The following ITPR2 variants were observed in gnomAD, a reference collection of about 807,000 sequenced individuals.
ITPR2 encodes inositol 1,4,5-trisphosphate receptor type 2.
ITPR2 carries 207 observed loss-of-function variants against 317.1 expected under a neutral mutation model. That is an observed-to-expected ratio of 0.65 (90% CI 0.58 to 0.73). ITPR2 has a LOEUF of 0.73. Ranked by LOEUF, ITPR2 falls within the 30% of genes least tolerant of loss-of-function variation. The pLI, the probability that ITPR2 is intolerant of heterozygous loss-of-function variation, is 0.00. For missense variants in ITPR2, 2,613 were observed against 3,284.0 expected, an observed-to-expected ratio of 0.80 and a Z score of 4.99; for synonymous variants, 1,156 against 1,149.1, an observed-to-expected ratio of 1.01 and a Z score of -0.12.
chr12:26,607,654 A>G (rs2136763324), intron 26 of ITPR2, among the ~76,000 whole-genome samples: 1 of 152,346 alleles, frequency 6.6e-6, no homozygotes, highest in South Asian at 2.1e-4. Flanking sequence ...GGCTCTGACC[A>G]GCATTACTTG....
At chr12:26,451,264 G>A (rs1278811205) in intron 45 of ITPR2, among the ~76,000 whole-genome samples, 1 of 151,948 alleles carries the variant, frequency 6.6e-6, no homozygotes, top group Non-Finnish European at 1.5e-5. Context: ...ACAGACTCTT[G>A]AGTACCCTGC....
chr12:26,343,223 T>G (rs17384266), intron 55 of ITPR2, among the ~76,000 whole-genome samples: 4,922 of 152,274 alleles, frequency 0.032, 133 homozygotes, highest in Non-Finnish European at 0.051. Context: ...AGTAACTGGA[T>G]TAGCTGGGAT....
At chr12:26,491,269 G>A (rs1263099164) in intron 39 of ITPR2, among the ~76,000 whole-genome samples, 1 of 151,858 alleles carries the variant, frequency 6.6e-6, no homozygotes, top group African/African-American at 2.4e-5. Context: ...GGATCACGAG[G>A]TCAGGAGATC....
At chr12:26,800,892 TG>T in intron 1 of ITPR2, 1 of 154,882 alleles carries the variant, frequency 6.5e-6, no homozygotes. Context: ...GAGCTTGCCC[TG>T]GCCTGCGACC....
At chr12:26,362,855 A>C (rs1434825785) in intron 55 of ITPR2, among the ~76,000 whole-genome samples, 1 of 152,200 alleles carries the variant, frequency 6.6e-6, no homozygotes, top group Non-Finnish European at 1.5e-5. Flanking sequence ...TGGGGAATAA[A>C]AGATGGGGAA....
At chr12:26,820,881 A>G (rs1365509305) in intron 1 of ITPR2, among the ~76,000 whole-genome samples, 2 of 152,242 alleles carry the variant, frequency 1.3e-5, no homozygotes, top group Non-Finnish European at 2.9e-5. Flanking sequence ...ACAAAAGGAC[A>G]GATGAATATT....
chr12:26,709,696 A>G (rs978791642), intron 9 of ITPR2, among the ~76,000 whole-genome samples: 7 of 152,228 alleles, frequency 4.6e-5, no homozygotes, highest in African/African-American at 1.7e-4. Flanking sequence ...AAGAGCCACT[A>G]ACATAAGAGA....
chr12:26,399,377 T>C (rs189320534), intron 53 of ITPR2, among the ~76,000 whole-genome samples: 2 of 152,350 alleles, frequency 1.3e-5, no homozygotes, highest in Admixed American at 6.5e-5. Flanking sequence ...GGTAGTTAAA[T>C]GTCAATTCCA....
Position 26,659,182 on chromosome 12 carries a change from A to T in ITPR2, c.1817T>A (p.Leu606Gln), listed in dbSNP as rs1257167701. The change falls in exon 16 of 57, where the codon CTA becomes CAA. Residue 606 changes from leucine to glutamine, a missense_variant. Around this residue, in one of 9 missense-constraint regions of ITPR2, gnomAD observed 515 missense variants for 789.4 expected, o/e 0.65. Coordinates refer to ENST00000381340, the MANE Select transcript of ITPR2 (RefSeq NM_002223.4). ...TTCTTTTGCTGTGATATGTTTCTCT[A>T]GTAGTTTTCTGTTGTTGTGCAACAA... ...TALLHNNRKL[L>Q]EKHITAKEIE... 6.2e-7 allele frequency: 1 copy of T among 1,613,220 alleles called. No individual in the cohort carries two copies. Among genetic ancestry groups the T allele is most frequent in the Non-Finnish European group, 8.5e-7 (1 of 1,179,426 alleles).
At chr12:26,611,772 T>C (rs1415293529) in intron 26 of ITPR2, among the ~76,000 whole-genome samples, 1 of 152,154 alleles carries the variant, frequency 6.6e-6, no homozygotes, top group Non-Finnish European at 1.5e-5. Context: ...TGGATGAACG[T>C]AAAGGGTAAT....
chr12:26,505,041 T>C (rs1454075895), intron 37 of ITPR2, among the ~76,000 whole-genome samples: 1 of 152,220 alleles, frequency 6.6e-6, no homozygotes, highest in Non-Finnish European at 1.5e-5. Flanking sequence ...AGAACACATA[T>C]GTAGACACAA....
chr12:26,614,166 G>A (rs942657611), intron 26 of ITPR2, among the ~76,000 whole-genome samples: 1 of 151,874 alleles, frequency 6.6e-6, no homozygotes, highest in African/African-American at 2.4e-5. Flanking sequence ...GAAAAGAAAG[G>A]ACAACTCCCA....
intron 55 of ITPR2, among the ~76,000 whole-genome samples, chr12:26,354,133 G>A (rs1938562562): frequency 6.6e-6 from 1 of 152,038 alleles, no homozygotes; most frequent in African/African-American, 2.4e-5. Context: ...AATTAGCCAG[G>A]CATGGTGGCA....
intron 13 of ITPR2, among the ~76,000 whole-genome samples, chr12:26,675,609 G>C (rs1423156923): frequency 6.6e-6 from 1 of 152,082 alleles, no homozygotes; most frequent in Non-Finnish European, 1.5e-5. Context: ...TGACGAGTTA[G>C]TGGGTACAGC....
At chr12:26,765,025 G>A (rs1422207570) in intron 2 of ITPR2, among the ~76,000 whole-genome samples, 1 of 152,052 alleles carries the variant, frequency 6.6e-6, no homozygotes, top group Admixed American at 6.6e-5. Flanking sequence ...TAACTGATAA[G>A]ATTATCAGGC....
chr12:26,454,556 G>A (rs992115735), intron 45 of ITPR2, among the ~76,000 whole-genome samples: 1 of 152,148 alleles, frequency 6.6e-6, no homozygotes, highest in Admixed American at 6.5e-5. Flanking sequence ...AAATGGGAAT[G>A]ATAGCAACAC....
At chr12:26,381,374 A>C (rs1214925458) in intron 55 of ITPR2, among the ~76,000 whole-genome samples, 2 of 152,166 alleles carry the variant, frequency 1.3e-5, no homozygotes, top group Admixed American at 6.5e-5. Context: ...TTCACCTATT[A>C]TTTATTCATT....
intron 37 of ITPR2, among the ~76,000 whole-genome samples, chr12:26,506,591 T>A (rs1212081650): frequency 2.7e-5 from 4 of 150,356 alleles, no homozygotes. Context: ...AGAAGGAAAT[T>A]GTGTTGAAAT....
chr12:26,396,410 GGCCTTCTCT>G (rs1396879157), intron 54 of ITPR2, among the ~76,000 whole-genome samples: 3 of 151,994 alleles, frequency 2.0e-5, no homozygotes, highest in African/African-American at 7.3e-5. Flanking sequence ...TCATGTTACT[GGCCTTCTCT>G]GCTTGGGCAG....
Sources: gnomAD v4.1 joint callset for allele counts (sites outside exome capture counted in the v4.1 genomes callset) on GRCh38, gnomAD v4.1.1 for gene constraint, gnomAD v4.1.1 regional missense constraint, MANE v1.5 for transcripts, NCBI Gene and HGNC (gene_info 2026-07-23, HGNC 2026-07-21) for gene names.